Variants in ZNF385D observed in about 807,000 individuals in gnomAD.
ZNF385D encodes the protein zinc finger protein 659.
A neutral mutation model predicts 35.8 loss-of-function variants in ZNF385D; 15 were observed. The observed-to-expected ratio is 0.42, with a 90% CI of 0.28 to 0.64. ZNF385D has a LOEUF of 0.64. Ranked by LOEUF, ZNF385D falls within the 30% of genes least tolerant of loss-of-function variation. The pLI is 0.23. For missense variants in ZNF385D, 474 were observed against 494.6 expected (o/e 0.96, Z 0.39); for synonymous variants, 212 against 186.8 (o/e 1.13, Z -1.10).
At chr3:22,218,097 T>C (rs541698253) in intron 2 of ZNF385D, among the ~76,000 whole-genome samples, 4 of 152,234 alleles carry the variant, frequency 2.6e-5, no homozygotes, top group South Asian at 2.1e-4. Context: ...TTAAACTTCA[T>C]ATAAATCATT....
At position 22,172,159 on chromosome 3, in the gene ZNF385D, T is replaced by G. The variant is rs187710599; in HGVS notation, c.107-3124A>C. Among the ~76,000 whole-genome samples, 395 of 152,304 alleles carry G rather than the reference T, an allele frequency of 2.6e-3. 2 individuals carry two copies. Among genetic ancestry groups the G allele is most frequent in the Middle Eastern group, 6.8e-3 (2 of 294 alleles). Reference sequence around the variant, plus strand: ...TCCTAACCTTCACCCCTCAGAACCATTAAGACACTGGAAAGATGTCTGGCT... The same window carrying G: ...TCCTAACCTTCACCCCTCAGAACCAGTAAGACACTGGAAAGATGTCTGGCT... On this transcript the variant is annotated intron_variant, in intron 2 of 5. Transcript: ENST00000494108.
At chr3:21,870,727 G>A (rs936086474) in intron 3 of ZNF385D, among the ~76,000 whole-genome samples, 13 of 152,216 alleles carry the variant, frequency 8.5e-5, no homozygotes, top group Middle Eastern at 3.4e-3. Flanking sequence ...GCGTGTGTGC[G>A]TGTATATGTA....
intron 3 of ZNF385D, among the ~76,000 whole-genome samples, chr3:22,009,289 T>C (rs1184302686): frequency 2.0e-5 from 3 of 151,510 alleles, no homozygotes; most frequent in African/African-American, 7.3e-5. Context: ...AATTGTGGTA[T>C]AGTTATACTA....
intron 3 of ZNF385D, among the ~76,000 whole-genome samples, chr3:21,546,757 T>C (rs1000688482): frequency 3.9e-5 from 6 of 152,060 alleles, no homozygotes; most frequent in Middle Eastern, 3.4e-3. Flanking sequence ...ATGGCATAAA[T>C]GAGGTCTAGG....
chr3:22,146,932 G>A (rs1704897609), intron 3 of ZNF385D, among the ~76,000 whole-genome samples: 1 of 152,160 alleles, frequency 6.6e-6, no homozygotes, highest in African/African-American at 2.4e-5. Context: ...AGACTATTTT[G>A]TTGTTCACTA....
chr3:21,483,252 G>C (rs1704769801), intron 4 of ZNF385D, among the ~76,000 whole-genome samples: 2 of 152,284 alleles, frequency 1.3e-5, no homozygotes, highest in South Asian at 2.1e-4. Flanking sequence ...GGATCACTTT[G>C]AGATTGGTTT....
At chr3:21,700,427 C>G (rs1378489197) in intron 1 of ZNF385D, among the ~76,000 whole-genome samples, 1 of 152,158 alleles carries the variant, frequency 6.6e-6, no homozygotes, top group East Asian at 1.9e-4. Context: ...GCCCCAAAGC[C>G]TGGACTTATA....
chr3:21,999,659 T>C (rs958273285), intron 3 of ZNF385D, among the ~76,000 whole-genome samples: 1 of 152,158 alleles, frequency 6.6e-6, no homozygotes, highest in East Asian at 1.9e-4. Flanking sequence ...TTAAATGAGA[T>C]TTATACTAGT....
intron 3 of ZNF385D, among the ~76,000 whole-genome samples, chr3:22,042,640 A>G (rs1177550775): frequency 2.0e-5 from 3 of 152,124 alleles, no homozygotes; most frequent in Non-Finnish European, 4.4e-5. Flanking sequence ...AGCCCATAAA[A>G]CACCCATTGC....
In ZNF385D at chr3:22,215,140, T is replaced by C. The variant is rs191439949; in HGVS notation, c.107-46105A>G. On this transcript the variant is annotated intron_variant, in intron 2 of 5. Coordinates refer to the ZNF385D transcript ENST00000494108. ...TCGGGGGTGACTTTTGCCTGATATC[T>C]AGCTGAATTTTCCCCAATATCTGGC... Among the ~76,000 whole-genome samples, 23 of 152,028 alleles carry C rather than the reference T, an allele frequency of 1.5e-4. No homozygotes were observed. The East Asian group carries it at 4.5e-3, about 30-fold the overall frequency.
chr3:22,271,650 T>C (rs563859712), intron 2 of ZNF385D, among the ~76,000 whole-genome samples: 1 of 151,976 alleles, frequency 6.6e-6, no homozygotes, highest in South Asian at 2.1e-4. Flanking sequence ...CTCAAAATTG[T>C]GCACTTGCTG....
chr3:22,025,669 A>G (rs1559312121), intron 3 of ZNF385D, among the ~76,000 whole-genome samples: 1 of 152,154 alleles, frequency 6.6e-6, no homozygotes, highest in Non-Finnish European at 1.5e-5. Flanking sequence ...ACTGTGAGCG[A>G]GCTGGAAATG....
intron 2 of ZNF385D, among the ~76,000 whole-genome samples, chr3:22,283,913 T>C (rs1385071126): frequency 6.6e-6 from 1 of 152,138 alleles, no homozygotes; most frequent in Non-Finnish European, 1.5e-5. Context: ...CAAGTTCTTT[T>C]AGTTCTTTAG....
intron 3 of ZNF385D, among the ~76,000 whole-genome samples, chr3:22,158,781 GA>G (rs1434811045): frequency 3.3e-5 from 4 of 119,538 alleles, no homozygotes; most frequent in African/African-American, 1.3e-4. Flanking sequence ...TAGATCTATA[GA>G]AACTAGAAGC....
chr3:22,277,377 A>C (rs566758340), intron 2 of ZNF385D, among the ~76,000 whole-genome samples: 1 of 152,250 alleles, frequency 6.6e-6, no homozygotes, highest in East Asian at 1.9e-4. Flanking sequence ...ATGGGATACA[A>C]GGACCCAAGG....
At chr3:22,103,696 T>C in intron 3 of ZNF385D, among the ~76,000 whole-genome samples, 1 of 135,136 alleles carries the variant, frequency 7.4e-6, no homozygotes, top group African/African-American at 2.5e-5. Context: ...TAGTACTGTG[T>C]CAAAGTCAGG....
At chr3:21,569,377 A>T (rs2125669210) in intron 2 of ZNF385D, among the ~76,000 whole-genome samples, 2 of 149,930 alleles carry the variant, frequency 1.3e-5, no homozygotes, top group East Asian at 1.9e-4. Flanking sequence ...AGAGACTAGG[A>T]TTGCAACCCC....
At chr3:21,732,305 G>A (rs958428456) in intron 1 of ZNF385D, among the ~76,000 whole-genome samples, 6 of 151,918 alleles carry the variant, frequency 3.9e-5, no homozygotes, top group African/African-American at 1.5e-4. Flanking sequence ...GCCTGCCTTG[G>A]CCTCTCAAAG....
At chr3:22,323,442 C>G (rs572914593) in intron 2 of ZNF385D, among the ~76,000 whole-genome samples, 1 of 152,240 alleles carries the variant, frequency 6.6e-6, no homozygotes, top group Non-Finnish European at 1.5e-5. Flanking sequence ...CTAAGATTCC[C>G]TATACACACA....
Sources: gnomAD v4.1 joint callset for allele counts (sites outside exome capture counted in the v4.1 genomes callset) on GRCh38, gnomAD v4.1.1 for gene constraint, MANE v1.5 for transcripts, NCBI Gene and HGNC (gene_info 2026-07-23, HGNC 2026-07-21) for gene names.